Variants in CDKAL1 observed in about 807,000 individuals in gnomAD.
The protein encoded by CDKAL1 is CDKAL1 threonylcarbamoyladenosine tRNA methylthiotransferase, also known as threonylcarbamoyladenosine tRNA methylthiotransferase.
A neutral mutation model predicts 68.2 loss-of-function variants in CDKAL1; 32 were observed. That is an observed-to-expected ratio of 0.47 (90% CI 0.35 to 0.63). The LOEUF is 0.63. CDKAL1 is among the 30% of genes least tolerant of loss of function. CDKAL1 has a pLI of 0.00. For synonymous variants in CDKAL1, 234 were observed against 244.3 expected, an observed-to-expected ratio of 0.96 and a Z score of 0.39; for missense variants, 606 against 696.7, an observed-to-expected ratio of 0.87 and a Z score of 1.47.
At chr6:21,113,591 C>T (rs1447996490) in intron 13 of CDKAL1, among the ~76,000 whole-genome samples, 2 of 151,960 alleles carry the variant, frequency 1.3e-5, no homozygotes, top group African/African-American at 2.4e-5. Flanking sequence ...CAACCTCTGC[C>T]TTCCGGGTTC....
chr6:20,675,572 C>T (rs1261785294), intron 5 of CDKAL1, among the ~76,000 whole-genome samples: 1 of 152,136 alleles, frequency 6.6e-6, no homozygotes, highest in Non-Finnish European at 1.5e-5. Flanking sequence ...CTGGTTATAT[C>T]ATAGCAATTG....
chr6:20,913,624 C>T (rs537581436), intron 9 of CDKAL1, among the ~76,000 whole-genome samples: 1 of 152,156 alleles, frequency 6.6e-6, no homozygotes, highest in Admixed American at 6.5e-5. Flanking sequence ...TCCACACTGC[C>T]CAACTGATTG....
intron 8 of CDKAL1, among the ~76,000 whole-genome samples, chr6:20,794,385 T>A (rs1776026160): frequency 6.6e-6 from 1 of 152,154 alleles, no homozygotes. Flanking sequence ...ACAGTTTGAT[T>A]TAAGCTATTT....
At chr6:20,801,757 C>A (rs1288778383) in intron 8 of CDKAL1, among the ~76,000 whole-genome samples, 1 of 152,076 alleles carries the variant, frequency 6.6e-6, no homozygotes, top group Admixed American at 6.6e-5. Context: ...ATATAGTAAT[C>A]CCCCTGATTT....
chr6:21,089,747 G>T (rs1392841146), intron 12 of CDKAL1, among the ~76,000 whole-genome samples: 2 of 152,228 alleles, frequency 1.3e-5, no homozygotes, highest in African/African-American at 2.4e-5. Context: ...GAGAAGACTT[G>T]TAGGAAATGA....
intron 14 of CDKAL1, among the ~76,000 whole-genome samples, chr6:21,199,790 T>G (rs1413102802): frequency 6.6e-6 from 1 of 152,218 alleles, no homozygotes; most frequent in Non-Finnish European, 1.5e-5. Flanking sequence ...TAAATGGGCT[T>G]TTTATATCCT....
At chr6:20,779,956 C>T (rs1185882227) in intron 7 of CDKAL1, among the ~76,000 whole-genome samples, 1 of 151,640 alleles carries the variant, frequency 6.6e-6, no homozygotes, top group Non-Finnish European at 1.5e-5. Context: ...GTTATAAAAA[C>T]AATAGGTCTA....
chr6:20,602,852 A>G (rs1413099333), intron 4 of CDKAL1, among the ~76,000 whole-genome samples: 1 of 152,056 alleles, frequency 6.6e-6, no homozygotes, highest in Non-Finnish European at 1.5e-5. Flanking sequence ...AACCATATTC[A>G]TTGTATGCTT....
intron 10 of CDKAL1, among the ~76,000 whole-genome samples, chr6:20,962,252 A>T (rs1765094686): frequency 6.6e-6 from 1 of 152,236 alleles, no homozygotes; most frequent in South Asian, 2.1e-4. Context: ...ATTGCTCAAG[A>T]TTTATAGCTA....
At chr6:21,215,663 A>G (rs1367710900) in intron 15 of CDKAL1, among the ~76,000 whole-genome samples, 3 of 152,170 alleles carry the variant, frequency 2.0e-5, no homozygotes, top group African/African-American at 7.2e-5. Flanking sequence ...AATGGAAGCT[A>G]AGGGACCTTG....
chr6:20,816,264 G>T (rs903350299), intron 8 of CDKAL1, among the ~76,000 whole-genome samples: 2 of 152,086 alleles, frequency 1.3e-5, no homozygotes, highest in African/African-American at 4.8e-5. Flanking sequence ...CCTGGCAGAT[G>T]TGAATTCTGC....
chr6:20,636,433 T>C (rs1767908440), intron 4 of CDKAL1, among the ~76,000 whole-genome samples: 1 of 152,182 alleles, frequency 6.6e-6, no homozygotes, highest in Non-Finnish European at 1.5e-5. Flanking sequence ...GGGTGAAAAT[T>C]TGAGAGTTCA....
intron 11 of CDKAL1, among the ~76,000 whole-genome samples, chr6:21,001,324 A>G (rs1767416743): frequency 6.6e-6 from 1 of 152,220 alleles, no homozygotes; most frequent in Non-Finnish European, 1.5e-5. Flanking sequence ...ATTGTAAGCA[A>G]TTATTTTTTC....
chr6:20,735,874 A>G (rs1773169613), intron 5 of CDKAL1, among the ~76,000 whole-genome samples: 1 of 152,296 alleles, frequency 6.6e-6, no homozygotes, highest in South Asian at 2.1e-4. Flanking sequence ...TTTTGATCCT[A>G]TAGAAATGTT....
intron 4 of CDKAL1, among the ~76,000 whole-genome samples, chr6:20,641,242 A>C (rs1455789084): frequency 1.3e-5 from 2 of 152,214 alleles, no homozygotes; most frequent in African/African-American, 2.4e-5. Flanking sequence ...TATTGATTCC[A>C]AGCTGTATGG....
chr6:20,758,047 C>T (rs1774301183), intron 6 of CDKAL1, among the ~76,000 whole-genome samples: 1 of 151,908 alleles, frequency 6.6e-6, no homozygotes, highest in South Asian at 2.1e-4. Flanking sequence ...CATGGCAAAG[C>T]TTCCTTAGTC....
At chr6:20,615,752 T>A (rs1364998671) in intron 4 of CDKAL1, among the ~76,000 whole-genome samples, 1 of 138,924 alleles carries the variant, frequency 7.2e-6, no homozygotes, top group Admixed American at 7.5e-5. Context: ...CTGATGGTAG[T>A]TTCTTTTGCT....
At chr6:21,211,967 C>G (rs1337384201) in intron 15 of CDKAL1, among the ~76,000 whole-genome samples, 1 of 151,950 alleles carries the variant, frequency 6.6e-6, no homozygotes, top group Non-Finnish European at 1.5e-5. Flanking sequence ...CATTATGTTA[C>G]CCAGGCTGGT....
At chr6:20,566,796 A>G (rs1386309284) in intron 4 of CDKAL1, among the ~76,000 whole-genome samples, 1 of 152,154 alleles carries the variant, frequency 6.6e-6, no homozygotes, top group African/African-American at 2.4e-5. Context: ...TGTGGTTCAT[A>G]AATTCATGAC....
Sources: allele counts gnomAD v4.1 joint callset (sites outside exome capture counted in the v4.1 genomes callset), GRCh38; gene constraint gnomAD v4.1.1; transcripts MANE v1.5; gene names NCBI Gene and HGNC (gene_info 2026-07-23, HGNC 2026-07-21).